GPC5: variants seen among roughly 807,000 people sequenced by gnomAD.
The protein encoded by GPC5 is glypican-5.
In GPC5, 47 loss-of-function variants were observed where a neutral mutation model predicts 53.9. The observed-to-expected ratio is 0.87, with a 90% CI of 0.69 to 1.11. GPC5 has a LOEUF of 1.11. Ranked by LOEUF, GPC5 falls within the 50% of genes most tolerant of loss-of-function variation. The pLI, the probability that GPC5 is intolerant of heterozygous loss-of-function variation, is 0.00. For synonymous variants in GPC5, 286 were observed against 263.3 expected (o/e 1.09, Z -0.84); for missense variants, 748 against 713.1 (o/e 1.05, Z -0.56).
intron 7 of GPC5, among the ~76,000 whole-genome samples, chr13:92,444,904 T>A (rs1877735577): frequency 6.6e-6 from 1 of 152,030 alleles, no homozygotes; most frequent in Non-Finnish European, 1.5e-5. Context: ...ACAGAATTGT[T>A]TGAATAGATG....
intron 2 of GPC5, among the ~76,000 whole-genome samples, chr13:91,623,685 G>A (rs947517370): frequency 6.6e-6 from 1 of 152,062 alleles, no homozygotes; most frequent in Non-Finnish European, 1.5e-5. Context: ...TCTGAATTTG[G>A]CATTGGCAGG....
At chr13:92,293,580 C>G (rs1480436662) in intron 7 of GPC5, among the ~76,000 whole-genome samples, 1 of 151,910 alleles carries the variant, frequency 6.6e-6, no homozygotes, top group Non-Finnish European at 1.5e-5. Flanking sequence ...TTTATCAGTT[C>G]TAGGAGCTTT....
At chr13:92,068,428 A>G (rs1176560178) in intron 6 of GPC5, among the ~76,000 whole-genome samples, 1 of 151,640 alleles carries the variant, frequency 6.6e-6, no homozygotes, top group Non-Finnish European at 1.5e-5. Flanking sequence ...TTTAGTTTAG[A>G]TTTTCTACGT....
intron 1 of GPC5, among the ~76,000 whole-genome samples, chr13:91,409,332 CA>C (rs1877557514): frequency 6.6e-6 from 1 of 152,008 alleles, no homozygotes; most frequent in Non-Finnish European, 1.5e-5. Flanking sequence ...AAAAACATGG[CA>C]AAACTAAAAA....
intron 7 of GPC5, among the ~76,000 whole-genome samples, chr13:92,538,746 A>G: frequency 9.7e-6 from 1 of 103,036 alleles, no homozygotes; most frequent in Non-Finnish European, 1.9e-5. Context: ...GTTTGCTCAG[A>G]ATGATGGTTT....
At chr13:92,399,083 A>C (rs1875434388) in intron 7 of GPC5, among the ~76,000 whole-genome samples, 2 of 152,208 alleles carry the variant, frequency 1.3e-5, no homozygotes, top group Non-Finnish European at 2.9e-5. Flanking sequence ...AAGACTCTAC[A>C]GATAAGAGCC....
At chr13:92,106,490 G>A (rs542426331) in intron 6 of GPC5, among the ~76,000 whole-genome samples, 2 of 152,060 alleles carry the variant, frequency 1.3e-5, no homozygotes, top group South Asian at 2.1e-4. Flanking sequence ...TTTCACTCAC[G>A]AAACATGCTT....
chr13:92,380,966 T>G (rs966757444), intron 7 of GPC5, among the ~76,000 whole-genome samples: 5 of 152,148 alleles, frequency 3.3e-5, no homozygotes, highest in African/African-American at 1.2e-4. Context: ...ATTTCACTTT[T>G]GAGACTTTAT....
chr13:91,780,070 A>C (rs544848355), intron 5 of GPC5, among the ~76,000 whole-genome samples: 1 of 152,302 alleles, frequency 6.6e-6, no homozygotes, highest in Non-Finnish European at 1.5e-5. Flanking sequence ...GCATCACACA[A>C]ACACCAAACA....
At chr13:91,408,320 T>C (rs1877479544) in intron 1 of GPC5, among the ~76,000 whole-genome samples, 1 of 152,204 alleles carries the variant, frequency 6.6e-6, no homozygotes, top group Admixed American at 6.5e-5. Context: ...ATTTGTCTTT[T>C]TGTGCCTGGT....
intron 7 of GPC5, among the ~76,000 whole-genome samples, chr13:92,277,839 G>A (rs1232570623): frequency 6.6e-6 from 1 of 151,760 alleles, no homozygotes; most frequent in Non-Finnish European, 1.5e-5. Flanking sequence ...CATCTGTTAG[G>A]CATAGAAATA....
intron 7 of GPC5, among the ~76,000 whole-genome samples, chr13:92,742,002 G>A (rs1301649981): frequency 6.6e-6 from 1 of 152,000 alleles, no homozygotes; most frequent in Non-Finnish European, 1.5e-5. Context: ...CATTTGGGTT[G>A]GTTCCAAGTC....
intron 6 of GPC5, among the ~76,000 whole-genome samples, chr13:91,990,231 A>G (rs1274288319): frequency 1.3e-5 from 2 of 152,228 alleles, no homozygotes; most frequent in African/African-American, 4.8e-5. Flanking sequence ...AATATTCACA[A>G]TTCTTAAACT....
At chr13:92,332,279 GAC>G (rs1232084254) in intron 7 of GPC5, among the ~76,000 whole-genome samples, 1 of 152,106 alleles carries the variant, frequency 6.6e-6, no homozygotes, top group Non-Finnish European at 1.5e-5. Flanking sequence ...TTCTTAATGG[GAC>G]TAGAATAAAC....
chr13:91,426,926 G>A (rs558647343), intron 1 of GPC5, among the ~76,000 whole-genome samples: 1 of 152,280 alleles, frequency 6.6e-6, no homozygotes, highest in South Asian at 2.1e-4. Flanking sequence ...TGCCTAAAAG[G>A]GGCCAATGTA....
At chr13:92,421,418 G>A (rs922006907) in intron 7 of GPC5, among the ~76,000 whole-genome samples, 4 of 152,106 alleles carry the variant, frequency 2.6e-5, no homozygotes, top group Non-Finnish European at 5.9e-5. Flanking sequence ...AAAGAGGTTT[G>A]GCCGGGCGCG....
At chr13:92,077,913 T>C (rs2041265158) in intron 6 of GPC5, among the ~76,000 whole-genome samples, 1 of 152,126 alleles carries the variant, frequency 6.6e-6, no homozygotes, top group African/African-American at 2.4e-5. Flanking sequence ...CTGAACTTGA[T>C]AGACGTAGAT....
chr13:92,855,615 A>T (rs1878970938), intron 7 of GPC5, among the ~76,000 whole-genome samples: 1 of 150,336 alleles, frequency 6.7e-6, no homozygotes, highest in African/African-American at 2.5e-5. Flanking sequence ...ATAATTTTTT[A>T]GAATTGAAAA....
At chr13:92,014,369 C>T (rs905335713) in intron 6 of GPC5, among the ~76,000 whole-genome samples, 3 of 152,210 alleles carry the variant, frequency 2.0e-5, no homozygotes, top group Admixed American at 6.6e-5. Flanking sequence ...TTTTGGTGAT[C>T]GTAATTCTTC....
Sources: allele counts gnomAD v4.1 joint callset (sites outside exome capture counted in the v4.1 genomes callset), GRCh38; gene constraint gnomAD v4.1.1; transcripts MANE v1.5; gene names NCBI Gene and HGNC (gene_info 2026-07-23, HGNC 2026-07-21).